The following PDE2A variants were observed in gnomAD, a reference collection of about 807,000 sequenced individuals.
The protein encoded by PDE2A is phosphodiesterase 2A.
Under a neutral mutation model 133.6 loss-of-function variants are expected in PDE2A, and 53 were observed. That is an observed-to-expected ratio of 0.40 (90% confidence interval 0.32 to 0.50). The LOEUF is 0.50. Ranked by LOEUF, PDE2A falls within the 20% of genes least tolerant of loss-of-function variation. The pLI is 0.73. For synonymous variants in PDE2A, 491 were observed against 490.2 expected, an observed-to-expected ratio of 1.00 and a Z score of -0.02; for missense variants, 796 against 1,232.4, an observed-to-expected ratio of 0.65 and a Z score of 5.30.
chr11:72,598,496 C>T (rs4943939), intron 4 of PDE2A: 590,437 of 1,287,136 alleles, frequency 0.46, 139,020 homozygotes, highest in East Asian at 0.75. Context: ...GCTCATCCCG[C>T]TTAATTAAGC....
intron 2 of PDE2A, among the ~76,000 whole-genome samples, chr11:72,626,267 C>A (rs1452697058): frequency 6.6e-6 from 1 of 152,242 alleles, no homozygotes; most frequent in Non-Finnish European, 1.5e-5. Context: ...AGTGGATGGG[C>A]AGGCAGAGAG....
chr11:72,652,458 T>C lies in PDE2A; in HGVS notation c.72-10132A>G. 5 of 453,778 alleles carry C rather than the reference T, an allele frequency of 1.1e-5. No homozygotes were observed. The Middle Eastern group carries it at 2.6e-3, about 232-fold the overall frequency. 28.1% of individuals were successfully genotyped at this position (453,778 alleles called of 1,614,324 possible). ...AACCATTTCCAGATATGGCCCCTGG[T>C]CCTCCCTAAATACTCCAGCATATGT... On this transcript the variant is annotated intron_variant, in intron 1 of 30. Coordinates refer to ENST00000334456, the MANE Select transcript of PDE2A (RefSeq NM_002599.5).
At chr11:72,654,186 C>T (rs1055085113) in intron 1 of PDE2A, among the ~76,000 whole-genome samples, 3 of 152,130 alleles carry the variant, frequency 2.0e-5, no homozygotes, top group South Asian at 2.1e-4. Context: ...CACCAGTGAC[C>T]GGTAGAACAC....
chr11:72,591,458 A>G, intron 6 of PDE2A, 102 bp from the exon 7 acceptor site: 1 of 823,190 alleles, frequency 1.2e-6, no homozygotes, highest in Non-Finnish European at 2.1e-6. Flanking sequence ...CCACCAACAC[A>G]TACACACTCC....
intron 4 of PDE2A, among the ~76,000 whole-genome samples, chr11:72,600,369 C>G (rs1275174058): frequency 6.6e-6 from 1 of 152,138 alleles, no homozygotes; most frequent in Non-Finnish European, 1.5e-5. Context: ...CGAGATGCCC[C>G]CAAGCACTGG....
chr11:72,660,866 T>C (rs1168907677), intron 1 of PDE2A, among the ~76,000 whole-genome samples: 1 of 151,754 alleles, frequency 6.6e-6, no homozygotes, highest in Non-Finnish European at 1.5e-5. Flanking sequence ...ATGTGTGAGC[T>C]CCGAGAGGTG....
At chr11:72,605,488 AC>A (rs1220575760) in intron 3 of PDE2A, among the ~76,000 whole-genome samples, 2 of 152,034 alleles carry the variant, frequency 1.3e-5, no homozygotes, top group Non-Finnish European at 2.9e-5. Context: ...CTTTTTTACC[AC>A]CCAAAACCCA....
intron 1 of PDE2A, chr11:72,652,600 G>T (rs1431673259): frequency 2.2e-6 from 1 of 456,266 alleles, no homozygotes; most frequent in Non-Finnish European, 4.4e-6. Flanking sequence ...GGAGGGGAAT[G>T]GCCATTGATG....
intron 11 of PDE2A, 101 bp downstream of exon 11, chr11:72,589,650 A>G: frequency 1.0e-6 from 1 of 982,988 alleles, no homozygotes; most frequent in Admixed American, 1.9e-5. Flanking sequence ...TCGGATTCCA[A>G]GAGTCTAGAA....
intron 2 of PDE2A, chr11:72,636,235 G>A (rs1156408262): frequency 1.4e-6 from 1 of 695,832 alleles, no homozygotes; most frequent in Admixed American, 5.5e-5. Flanking sequence ...CAGCTTCAAG[G>A]GAGCCAGATC....
rs1856169288 is a variant in PDE2A at position 72,590,114 on chromosome 11, G to A, written c.756+78C>T. On this transcript the variant is annotated intron_variant, in intron 9 of 30. Coordinates refer to ENST00000334456, the MANE Select transcript of PDE2A (RefSeq NM_002599.5). The surrounding 1 kb of genome is among the most constrained non-coding windows in gnomAD (Gnocchi z 4.8). ...GGAAGGACATCGTAATTGGAACTGAGATGGAGGGCTCAAGGGGAAGTTGGT... is the reference window on the plus strand; with the variant it reads ...GGAAGGACATCGTAATTGGAACTGAAATGGAGGGCTCAAGGGGAAGTTGGT... 7.0e-7 allele frequency: 1 copy of A among 1,422,378 alleles called. No homozygotes were observed. The highest frequency in any genetic ancestry group is 9.7e-7 in the Non-Finnish European group (1 of 1,034,802). 88.1% of individuals were successfully genotyped at this position (1,422,378 alleles called of 1,614,324 possible).
intron 20 of PDE2A, 90 bp downstream of exon 20, chr11:72,583,348 A>C (rs1855806795): frequency 1.1e-5 from 10 of 917,596 alleles, no homozygotes; most frequent in South Asian, 1.1e-4. Context: ...CTATCCTCTC[A>C]TCCTCAGTAG....
chr11:72,581,806 C>T (rs1855735610), intron 22 of PDE2A, 71 bp downstream of exon 22: 4 of 1,386,886 alleles, frequency 2.9e-6, no homozygotes, highest in African/African-American at 1.4e-5. Context: ...CTCCAGAATG[C>T]CGGGGGCAAC....
chr11:72,578,558 TC>T lies in PDE2A; in HGVS notation c.2470-45del, dbSNP rs778404414. On this transcript the variant is annotated intron_variant, in intron 28 of 30. Coordinates refer to ENST00000334456, the MANE Select transcript of PDE2A (RefSeq NM_002599.5). The surrounding 1 kb of genome is among the most constrained non-coding windows in gnomAD (Gnocchi z 4.2). ...CATCACATCCTCTATGTAGGATACA[TC>T]CACCCAAGCTCCTCTGACAGCCCGT... The T allele has an allele frequency of 1.4e-5, 21 of 1,530,258 alleles. No homozygotes were observed. Among genetic ancestry groups the T allele is most frequent in the Non-Finnish European group, 1.9e-5 (21 of 1,103,742 alleles). The allele number at this position is 1,530,258 out of a possible 1,614,324, so 94.8% of individuals were successfully genotyped here.
rs1591141894 is a variant in PDE2A at position 72,662,466 on chromosome 11, T to C, written c.71+11671A>G. On this transcript the variant is annotated intron_variant, in intron 1 of 30. Transcript: ENST00000334456. ...TTCAAAGGGAGTTCTTTTATCAGAT[T>C]TGGCAGTGGAGGGGTCAGAGTGTTA... Among the ~76,000 whole-genome samples, 3 of 152,170 alleles carry C rather than the reference T, an allele frequency of 2.0e-5. No homozygotes were observed. In the East Asian group the frequency reaches 5.8e-4, roughly 29 times the overall value.
At chr11:72,595,687 T>G (rs919060661) in intron 6 of PDE2A, among the ~76,000 whole-genome samples, 4 of 152,020 alleles carry the variant, frequency 2.6e-5, no homozygotes, top group Non-Finnish European at 5.9e-5. Context: ...CCCCCAAGCC[T>G]GCCCTTTACT....
chr11:72,595,778 C>T (rs931820003), intron 6 of PDE2A, among the ~76,000 whole-genome samples: 15 of 152,090 alleles, frequency 9.9e-5, no homozygotes, highest in African/African-American at 3.1e-4. Context: ...TAGGATAGAA[C>T]GAGTTTGAAC....
intron 18 of PDE2A, 114 bp downstream of exon 18, chr11:72,584,437 C>G (rs546869530): frequency 6.0e-6 from 8 of 1,330,158 alleles, no homozygotes; most frequent in Non-Finnish European, 8.5e-6. Flanking sequence ...TGGAACCCGA[C>G]TCCCTTATGC....
rs767010552 is a variant in PDE2A at position 72,584,361 on chromosome 11, G to T, written c.1538-48C>A. ...GAACCACCGGTGGAGGGAGGGATCG[G>T]TTGGAGGGAGGGATCCGGCCGGGAC... On this transcript the variant is annotated intron_variant, in intron 18 of 30. Transcript: ENST00000334456. 2.2e-6 allele frequency: 3 copies of T among 1,360,388 alleles called. No homozygotes were observed. The South Asian group carries it at 3.5e-5, about 16-fold the overall frequency. The allele number at this position is 1,360,388 out of a possible 1,614,324, so 84.3% of individuals were successfully genotyped here.
Sources: gnomAD v4.1 joint callset for allele counts (sites outside exome capture counted in the v4.1 genomes callset) on GRCh38, gnomAD v4.1.1 for gene constraint, Gnocchi (gnomAD v3.1) non-coding constraint, MANE v1.5 for transcripts, NCBI Gene and HGNC (gene_info 2026-07-23, HGNC 2026-07-21) for gene names.